DCAF7: variants seen among roughly 807,000 people sequenced by gnomAD.
The protein encoded by DCAF7 is DDB1- and CUL4-associated factor 7.
In DCAF7, 4 loss-of-function variants were observed where a neutral mutation model predicts 41.2. That is an observed-to-expected ratio of 0.10 (90% CI 0.05 to 0.22). DCAF7 has a LOEUF of 0.22. Among genes scored for constraint, DCAF7 ranks in the 10% least tolerant of loss-of-function variants. DCAF7 has a pLI of 1.00. For synonymous variants in DCAF7, 143 were observed against 164.2 expected (o/e 0.87, Z 0.99); for missense variants, 131 against 443.2 (o/e 0.30, Z 6.32).
chr17:63,554,671 C>A (rs188891788), intron 1 of DCAF7, among the ~76,000 whole-genome samples: 12 of 152,338 alleles, frequency 7.9e-5, no homozygotes, highest in South Asian at 4.1e-4. Flanking sequence ...TAACATCTAC[C>A]TTGTTCAAAG....
Position 63,583,611 on chromosome 17 carries a change from C to A in DCAF7, c.638C>A (p.Thr213Asn). ...GACCTCCGCCATCTAGAACACAGCACCATCATTTACGAAGACCCACAGCAT... is the reference window on the plus strand; with the variant it reads ...GACCTCCGCCATCTAGAACACAGCAACATCATTTACGAAGACCCACAGCAT... ...MFDLRHLEHS[T>N]IIYEDPQHHP... Residue 213 changes from threonine to asparagine, a missense_variant, in exon 5 of 7, where the codon ACC becomes AAC. Physicochemically the swap from Thr to Asn is moderately conservative, Grantham distance 65. Coordinates refer to ENST00000614556, the MANE Select transcript of DCAF7 (RefSeq NM_005828.5). 1 of 1,612,870 alleles carries A rather than the reference C, an allele frequency of 6.2e-7. No homozygotes were observed. Among genetic ancestry groups the A allele is most frequent in the Non-Finnish European group, 8.5e-7 (1 of 1,179,010 alleles).
chr17:63,559,334 CATACATATATATACGT>C (rs1398815920), intron 1 of DCAF7, among the ~76,000 whole-genome samples: 1 of 65,020 alleles, frequency 1.5e-5, no homozygotes, highest in East Asian at 2.7e-4. Context: ...TATATATATA[CATACATATATATACGT>C]ATATATATGT....
intron 1 of DCAF7, among the ~76,000 whole-genome samples, chr17:63,555,725 C>T (rs1240861230): frequency 1.3e-5 from 2 of 152,300 alleles, no homozygotes; most frequent in Non-Finnish European, 2.9e-5. Flanking sequence ...TTAACTTCCT[C>T]CTTTTTCTAG....
chr17:63,553,194 A>G (rs544693979), intron 1 of DCAF7, among the ~76,000 whole-genome samples: 1 of 152,190 alleles, frequency 6.6e-6, no homozygotes, highest in Non-Finnish European at 1.5e-5. Context: ...TACACCATCC[A>G]CTGTAATTAT....
Position 63,550,506 on chromosome 17 carries a change from A to G in DCAF7, c.-172A>G, listed in dbSNP as rs2033235954. 3.8e-6 allele frequency: 4 copies of G among 1,054,838 alleles called. No individual in the cohort carries two copies. In the East Asian group the frequency reaches 8.1e-5, roughly 21 times the overall value. The allele number at this position is 1,054,838 out of a possible 1,614,324, so 65.3% of individuals were successfully genotyped here. A position where few individuals can be genotyped will look rare whatever the true frequency, so the allele number is the denominator to read the frequency against. On this transcript the variant is annotated 5_prime_UTR_variant, in exon 1 of 7. Coordinates refer to ENST00000614556, the MANE Select transcript of DCAF7 (RefSeq NM_005828.5). This position sits in a 1 kb window ranked among gnomAD's most constrained non-coding sequence, Gnocchi z 4.8. ...TCCGTTCCCAAGCTGGTTTGAAACTAGGGGTCGGGCTCGGCCGTCGTCGTT... is the reference window on the plus strand; with the variant it reads ...TCCGTTCCCAAGCTGGTTTGAAACTGGGGGTCGGGCTCGGCCGTCGTCGTT...
At chr17:63,567,110 T>C (rs1240760041) in intron 1 of DCAF7, among the ~76,000 whole-genome samples, 1 of 152,084 alleles carries the variant, frequency 6.6e-6, no homozygotes, top group Non-Finnish European at 1.5e-5. Flanking sequence ...AGCACCTATT[T>C]ATGCTTTTTT....
intron 1 of DCAF7, among the ~76,000 whole-genome samples, chr17:63,559,456 TA>T (rs1348904603): frequency 2.1e-4 from 30 of 142,934 alleles, no homozygotes; most frequent in South Asian, 4.3e-4. Flanking sequence ...TATATATATA[TA>T]TTTTTAATAA....
rs1298324776 is a variant in DCAF7, at chr17:63,559,408, TGTATATATATAC to T, written c.138+8605_138+8616del. ...ATATGTATATATATATGTATATATA[TGTATATATATAC>T]GTATATATATATGTGTGTGTATATA... is the stretch of plus-strand genomic sequence containing the variant. On this transcript the variant is annotated intron_variant, in intron 1 of 6. Coordinates refer to ENST00000614556, the MANE Select transcript of DCAF7 (RefSeq NM_005828.5). 7.0e-4 allele frequency among the ~76,000 whole-genome samples: 74 copies of T among 105,814 alleles called. 2 individuals carry two copies. The highest frequency in any genetic ancestry group is 1.0e-3 in the Non-Finnish European group (58 of 56,608). The allele number at this position is 105,814 out of a possible 152,430, so 69.4% of individuals were successfully genotyped here.
chr17:63,550,666 C>T lies in DCAF7; in HGVS notation c.-12C>T, dbSNP rs1289893885. ...CTGTTGACCCGGCCCGTACTGCGGC[C>T]CCGTGGCCACCATGTCCCTGCACGG... On this transcript the variant is annotated 5_prime_UTR_variant, in exon 1 of 7. Coordinates refer to ENST00000614556, the MANE Select transcript of DCAF7 (RefSeq NM_005828.5). This position sits in a 1 kb window ranked among gnomAD's most constrained non-coding sequence, Gnocchi z 4.8. 2 of 1,612,970 alleles carry T rather than the reference C, an allele frequency of 1.2e-6. No homozygotes were observed. Among genetic ancestry groups the T allele is most frequent in the Non-Finnish European group, 1.7e-6 (2 of 1,179,654 alleles).
In DCAF7 at chr17:63,587,864, T is replaced by C. The variant is rs192781385; in HGVS notation, c.857-1136T>C. Among the ~76,000 whole-genome samples the C allele has an allele frequency of 2.6e-5, 4 of 151,604 alleles. No individual in the cohort carries two copies. The East Asian group carries it at 7.8e-4, about 30-fold the overall frequency. On this transcript the variant is annotated intron_variant, in intron 6 of 6. Coordinates refer to ENST00000614556, the MANE Select transcript of DCAF7 (RefSeq NM_005828.5). ...GGCCAGGTGCGGTGGTTCATGCCTG[T>C]AATCCCAGCATTTTGGGAGGCCGAG...
intron 1 of DCAF7, among the ~76,000 whole-genome samples, chr17:63,559,621 G>C (rs1005507229): frequency 5.6e-4 from 85 of 151,208 alleles, no homozygotes; most frequent in Non-Finnish European, 1.2e-4. Flanking sequence ...GGTCAGCATG[G>C]TGAAACCCTG....
chr17:63,574,822 A>C lies in DCAF7; in HGVS notation c.139-3648A>C, dbSNP rs376213078. Among the ~76,000 whole-genome samples the C allele has an allele frequency of 1.1e-4, 17 of 152,018 alleles. No individual in the cohort carries two copies. The East Asian group carries it at 3.3e-3, about 29-fold the overall frequency. ...ACCCTGTCTCTACAAAAAATACAAA[A>C]ATTAGCTGGGTACGGTGGCTTGTAC... On this transcript the variant is annotated intron_variant, in intron 1 of 6. Transcript: ENST00000614556.
chr17:63,582,256 G>A (rs1267865120), intron 4 of DCAF7, among the ~76,000 whole-genome samples: 4 of 152,116 alleles, frequency 2.6e-5, no homozygotes, highest in East Asian at 1.9e-4. Flanking sequence ...AAAGGAATTC[G>A]TGAGGTTAAA....
chr17:63,586,654 C>T (rs1054519571), intron 6 of DCAF7, among the ~76,000 whole-genome samples: 2 of 150,772 alleles, frequency 1.3e-5, no homozygotes, highest in African/African-American at 2.4e-5. Context: ...CCCAGCTACT[C>T]GGGAGGCTGA....
rs527989647 is a variant in DCAF7 at position 63,583,362 on chromosome 17, C to G, written c.529-140C>G. On this transcript the variant is annotated intron_variant, in intron 4 of 6. Transcript: ENST00000614556. Reference sequence around the variant, plus strand: ...ATTAGAGCTCTCGGGTTTCAGTACTCACAGACACTGTTTGGGCTTCATTTA... The same window carrying G: ...ATTAGAGCTCTCGGGTTTCAGTACTGACAGACACTGTTTGGGCTTCATTTA... 41 of 762,498 alleles carry G rather than the reference C, an allele frequency of 5.4e-5. No homozygotes were observed. In the African/African-American group the frequency reaches 6.5e-4, roughly 12 times the overall value. The allele number at this position is 762,498 out of a possible 1,614,324, so 47.2% of individuals were successfully genotyped here.
rs555333207 is a variant in DCAF7 at position 63,578,745 on chromosome 17, G to A, written c.297+117G>A. 78 of 1,408,410 alleles carry A rather than the reference G, an allele frequency of 5.5e-5. 1 individual carries two copies. In the East Asian group the frequency reaches 1.5e-3, roughly 28 times the overall value. 87.2% of individuals were successfully genotyped at this position (1,408,410 alleles called of 1,614,324 possible). A position where few individuals can be genotyped will look rare whatever the true frequency, so the allele number is the denominator to read the frequency against. On this transcript the variant is annotated intron_variant, in intron 2 of 6. Transcript: ENST00000614556. ...GGCAGCGAGTGTCATTGCAGCACAG[G>A]AGAAGCAAGCGAAGCTTAAATGGAC...
Position 63,572,556 on chromosome 17 carries a change from T to C in DCAF7, c.139-5914T>C, listed in dbSNP as rs544653786. On this transcript the variant is annotated intron_variant, in intron 1 of 6. Transcript: ENST00000614556. ...TGGATATTTGAAGCTTGGGAGGAAA[T>C]CTCTGATGACTTGAAAGACATTTTC... 3.9e-5 allele frequency among the ~76,000 whole-genome samples: 6 copies of C among 152,314 alleles called. No individual in the cohort carries two copies. In the East Asian group the frequency reaches 1.2e-3, roughly 29 times the overall value.
At chr17:63,567,946 T>G (rs1337424068) in intron 1 of DCAF7, among the ~76,000 whole-genome samples, 1 of 152,110 alleles carries the variant, frequency 6.6e-6, no homozygotes, top group East Asian at 1.9e-4. Flanking sequence ...ATTATAGTCA[T>G]GAGCCACCGC....
chr17:63,563,745 G>A (rs2033408409), intron 1 of DCAF7, among the ~76,000 whole-genome samples: 1 of 152,120 alleles, frequency 6.6e-6, no homozygotes, highest in African/African-American at 2.4e-5. Flanking sequence ...AACCCAGGAG[G>A]TGGAGGTTGC....
Sources: gnomAD v4.1 joint callset for allele counts (sites outside exome capture counted in the v4.1 genomes callset) on GRCh38, gnomAD v4.1.1 for gene constraint, Gnocchi (gnomAD v3.1) non-coding constraint, MANE v1.5 for transcripts, NCBI Gene and HGNC (gene_info 2026-07-23, HGNC 2026-07-21) for gene names.